Variants in NDEL1 observed in about 807,000 individuals in gnomAD.
NDEL1 encodes the protein nudE neurodevelopment protein 1 like 1.
A neutral mutation model predicts 45.7 loss-of-function variants in NDEL1; 9 were observed. That is an observed-to-expected ratio of 0.20 (90% CI 0.12 to 0.34). NDEL1 has a LOEUF of 0.34. NDEL1 is among the 10% of genes least tolerant of loss of function. The probability of loss-of-function intolerance (pLI) is 1.00; values close to 1 mark genes in which losing one functional copy is unlikely to be tolerated. For missense variants in NDEL1, 306 were observed against 406.2 expected, an observed-to-expected ratio of 0.75 and a Z score of 2.12; for synonymous variants, 133 against 158.6, an observed-to-expected ratio of 0.84 and a Z score of 1.21.
At chr17:8,443,967 G>A (rs1013042827) in intron 1 of NDEL1, 2 of 243,874 alleles carry the variant, frequency 8.2e-6, no homozygotes, top group Non-Finnish European at 1.6e-5. Context: ...AACTCTGTGT[G>A]CAGGATGATT....
At chr17:8,434,787 T>C (rs563350653), upstream of NDEL1, among the ~76,000 whole-genome samples, 1 of 151,642 alleles carries the variant, frequency 6.6e-6, no homozygotes, top group Non-Finnish European at 1.5e-5. Flanking sequence ...TAATGCAAGA[T>C]GGGGCCGGGC....
At chr17:8,444,464 T>A in intron 2 of NDEL1, 107 bp downstream of exon 2, 1 of 732,304 alleles carries the variant, frequency 1.4e-6, no homozygotes, top group East Asian at 2.6e-5. Flanking sequence ...AATTGCAGAT[T>A]TAGGATTCTA....
intron 1 of NDEL1, among the ~76,000 whole-genome samples, chr17:8,438,541 G>T (rs2151707006): frequency 6.6e-6 from 1 of 151,484 alleles, no homozygotes; most frequent in East Asian, 2.0e-4. Flanking sequence ...TTGGAGGCAG[G>T]GTCTCATTTT....
intron 1 of NDEL1, among the ~76,000 whole-genome samples, chr17:8,421,713 C>T (rs1171713707): frequency 6.6e-6 from 1 of 152,168 alleles, no homozygotes; most frequent in African/African-American, 2.4e-5. Flanking sequence ...CTTAGATGCC[C>T]ATGAAGTGGT....
intron 1 of NDEL1, among the ~76,000 whole-genome samples, chr17:8,421,020 G>A (rs773067035): frequency 6.6e-6 from 1 of 152,190 alleles, no homozygotes; most frequent in Non-Finnish European, 1.5e-5. Flanking sequence ...AGTGGTAAGA[G>A]ATGCACATTT....
upstream of NDEL1, chr17:8,435,718 G>A (rs191266609): frequency 2.8e-3 from 942 of 332,598 alleles, 12 homozygotes; most frequent in African/African-American, 0.019. Context: ...TGCGCAAGAG[G>A]ACGCCTGCGC....
At chr17:8,447,266 C>T (rs1025008091) in intron 4 of NDEL1, among the ~76,000 whole-genome samples, 2 of 152,208 alleles carry the variant, frequency 1.3e-5, no homozygotes, top group Non-Finnish European at 2.9e-5. Flanking sequence ...CCTCAGCCTT[C>T]CAAGTAGCTG....
chr17:8,417,943 T>G (rs969965889), intron 1 of NDEL1, among the ~76,000 whole-genome samples: 2 of 152,224 alleles, frequency 1.3e-5, no homozygotes, highest in African/African-American at 4.8e-5. Context: ...TGTGTTGAAA[T>G]GCTTTGTAAA....
chr17:8,472,478 G>T (rs1335076874), downstream of NDEL1, among the ~76,000 whole-genome samples: 1 of 152,120 alleles, frequency 6.6e-6, no homozygotes, highest in Admixed American at 6.5e-5. Context: ...GTCCAACATG[G>T]TGAAACCCCG....
chr17:8,464,819 A>T (rs1018261887), intron 8 of NDEL1: 1 of 152,492 alleles, frequency 6.6e-6, no homozygotes, highest in African/African-American at 2.4e-5. Flanking sequence ...AGGTGAGCCT[A>T]GGCTAATGGC....
At chr17:8,444,673 C>T (rs528922655) in intron 2 of NDEL1, 1 of 209,004 alleles carries the variant, frequency 4.8e-6, no homozygotes, top group East Asian at 1.4e-4. Context: ...TCTGCCTCAT[C>T]ATTTTGGTCA....
chr17:8,455,545 G>A lies in NDEL1; in HGVS notation c.792+658G>A, dbSNP rs139273179. Among the ~76,000 whole-genome samples the A allele has an allele frequency of 2.5e-3, 375 of 151,992 alleles. 3 individuals are homozygous for A. The highest frequency in any genetic ancestry group is 8.6e-3 in the African/African-American group (356 of 41,468). On this transcript the variant is annotated intron_variant, in intron 7 of 8. Coordinates refer to ENST00000334527, the MANE Select transcript of NDEL1 (RefSeq NM_030808.5). ...TCTACTAAAAATACAAAAATTAGTC[G>A]GCATGGTGGCAGATGCCTGTAATCC...
At chr17:8,448,351 G>T (rs1334078794) in intron 4 of NDEL1, among the ~76,000 whole-genome samples, 199 bp from the exon 5 acceptor site, 1 of 152,182 alleles carries the variant, frequency 6.6e-6, no homozygotes, top group Non-Finnish European at 1.5e-5. Context: ...GAATTTAAAA[G>T]AATGTATTGT....
chr17:8,463,576 G>A (rs1161882883), intron 8 of NDEL1, among the ~76,000 whole-genome samples: 3 of 152,214 alleles, frequency 2.0e-5, no homozygotes, highest in South Asian at 4.1e-4. Context: ...GTGGTCCTGG[G>A]GTGGCTGGGA....
chr17:8,450,768 A>G lies in NDEL1; in HGVS notation c.527-12A>G, dbSNP rs1190398795. ...AGTGAGTATTCCTGCCCTTGTTTGC[A>G]ATATTTTACAGATTTAAGGCAAGAA... On this transcript the variant is annotated splice_polypyrimidine_tract_variant and intron_variant, in intron 5 of 8. Coordinates refer to ENST00000334527, the MANE Select transcript of NDEL1 (RefSeq NM_030808.5). 6.3e-7 allele frequency: 1 copy of G among 1,599,002 alleles called. No homozygotes were observed. The highest frequency in any genetic ancestry group is 1.1e-5 in the South Asian group (1 of 87,880).
downstream of NDEL1, among the ~76,000 whole-genome samples, chr17:8,472,330 T>C (rs1040964889): frequency 2.0e-5 from 3 of 152,082 alleles, no homozygotes; most frequent in Admixed American, 2.0e-4. Flanking sequence ...CCATCAGGAA[T>C]TGGAAGTGTC....
chr17:8,463,150 C>T (rs973131923), intron 8 of NDEL1: 18 of 528,484 alleles, frequency 3.4e-5, no homozygotes, highest in Non-Finnish European at 5.8e-5. Flanking sequence ...CAAAAACACT[C>T]TTTTTTTTCC....
Position 8,444,355 on chromosome 17 carries a change from A to G in NDEL1, c.84A>G (p.Gln28=). 6.2e-7 allele frequency: 1 copy of G among 1,608,458 alleles called. No individual in the cohort carries two copies. Among genetic ancestry groups the G allele is most frequent in the Admixed American group, 1.7e-5 (1 of 59,768 alleles). ...YWKELSLKYK[Q]SFQEARDELV... ...AGGAACTTTCCTTGAAGTATAAGCAAAGGTAATGTTGGAAAGCACACTAAA... is the reference window on the plus strand; with the variant it reads ...AGGAACTTTCCTTGAAGTATAAGCAGAGGTAATGTTGGAAAGCACACTAAA... The change falls in exon 2 of 9, where the codon CAA becomes CAG. Residue 28 remains glutamine, a splice_region_variant and synonymous_variant. Transcript: ENST00000334527.
intron 7 of NDEL1, among the ~76,000 whole-genome samples, chr17:8,458,408 C>G (rs983179217): frequency 2.0e-5 from 3 of 152,128 alleles, no homozygotes; most frequent in African/African-American, 4.8e-5. Flanking sequence ...CCTTTCCCCC[C>G]TCAAAAGACC....
Sources: gnomAD v4.1 joint callset for allele counts (sites outside exome capture counted in the v4.1 genomes callset) on GRCh38, gnomAD v4.1.1 for gene constraint, MANE v1.5 for transcripts, NCBI Gene and HGNC (gene_info 2026-07-23, HGNC 2026-07-21) for gene names.